KATNAL2: variants seen among roughly 807,000 people sequenced by gnomAD.
The protein encoded by KATNAL2 is katanin p60 ATPase-containing subunit A-like 2.
A neutral mutation model predicts 76.3 loss-of-function variants in KATNAL2; 52 were observed. The ratio of observed to expected loss-of-function variants is 0.68; its 90% CI spans 0.55 to 0.86. The LOEUF (loss-of-function observed/expected upper bound fraction) is 0.86. Among genes scored for constraint, KATNAL2 ranks in the 40% least tolerant of loss-of-function variants. The pLI is 0.00. For missense variants in KATNAL2, 660 were observed against 668.9 expected, an observed-to-expected ratio of 0.99 and a Z score of 0.15; for synonymous variants, 243 against 244.2, an observed-to-expected ratio of 1.00 and a Z score of 0.05.
intron 1 of KATNAL2, among the ~76,000 whole-genome samples, chr18:46,932,234 A>G (rs1444438847): frequency 6.6e-6 from 1 of 152,202 alleles, no homozygotes; most frequent in African/African-American, 2.4e-5. Flanking sequence ...TTTCAAGAAA[A>G]GCATTAGAAG....
intron 15 of KATNAL2, among the ~76,000 whole-genome samples, chr18:47,082,055 C>A (rs2062550110): frequency 6.6e-6 from 1 of 152,078 alleles, no homozygotes; most frequent in South Asian, 2.1e-4. Flanking sequence ...CACTTTATCC[C>A]AATATGTACA....
Position 47,048,130 on chromosome 18 carries a change from C to T in KATNAL2, c.122+1603C>T, listed in dbSNP as rs749994691. Among the ~76,000 whole-genome samples the T allele has an allele frequency of 1.5e-4, 23 of 152,118 alleles. 1 individual carries two copies. Among genetic ancestry groups the T allele is most frequent in the Non-Finnish European group, 2.6e-4 (18 of 68,022 alleles). ...AAGGATACTGCCAAATGCCATCTGACGCACAGGACAGCCCCCATAACAAAT... is the reference window on the plus strand; with the variant it reads ...AAGGATACTGCCAAATGCCATCTGATGCACAGGACAGCCCCCATAACAAAT... On this transcript the variant is annotated intron_variant, in intron 4 of 17. Coordinates refer to ENST00000683218, the MANE Select transcript of KATNAL2 (RefSeq NM_001387690.1).
chr18:47,061,259 T>C (rs1599712115), intron 8 of KATNAL2, among the ~76,000 whole-genome samples: 1 of 152,200 alleles, frequency 6.6e-6, no homozygotes, highest in Non-Finnish European at 1.5e-5. Flanking sequence ...CTCATAGTTC[T>C]ATATGGCACT....
At position 47,101,055 on chromosome 18, in the gene KATNAL2, A is replaced by G; in HGVS notation, c.*50A>G. 6.2e-7 allele frequency: 1 copy of G among 1,600,286 alleles called. No individual in the cohort carries two copies. Among genetic ancestry groups the G allele is most frequent in the Non-Finnish European group, 8.6e-7 (1 of 1,169,514 alleles). On this transcript the variant is annotated 3_prime_UTR_variant, in exon 18 of 18. Transcript: ENST00000683218. ...ACAAAGGCAACCACAAAGACCTCCT[A>G]GTTTATTAATGTCCGTGGGAGAACA...
At chr18:46,924,157 A>G (rs1181730471) in intron 1 of KATNAL2, among the ~76,000 whole-genome samples, 6 of 152,170 alleles carry the variant, frequency 3.9e-5, no homozygotes, top group South Asian at 4.1e-4. Context: ...GCCCATGCCT[A>G]TGTCCTGAAT....
intron 3 of KATNAL2, among the ~76,000 whole-genome samples, chr18:47,043,182 G>C (rs1026528819): frequency 7.2e-6 from 1 of 139,230 alleles, no homozygotes; most frequent in Non-Finnish European, 1.5e-5. Flanking sequence ...AGCAGAGATT[G>C]CGCCACTACA....
At chr18:46,959,391 C>CA (rs2059863606) in intron 3 of KATNAL2, among the ~76,000 whole-genome samples, 1 of 152,034 alleles carries the variant, frequency 6.6e-6, no homozygotes, top group South Asian at 2.1e-4. Context: ...TATACTTGGA[C>CA]CAAAAAGGAG....
At chr18:46,940,364 T>G (rs1269886191) in intron 1 of KATNAL2, among the ~76,000 whole-genome samples, 1 of 152,242 alleles carries the variant, frequency 6.6e-6, no homozygotes, top group Non-Finnish European at 1.5e-5. Flanking sequence ...AGCTCTTTAG[T>G]CTTACATTCC....
intron 15 of KATNAL2, among the ~76,000 whole-genome samples, chr18:47,087,866 A>G (rs575037567): frequency 2.0e-5 from 3 of 150,826 alleles, no homozygotes; most frequent in South Asian, 2.1e-4. Context: ...TTTTTCCTTC[A>G]TTTAATCTAT....
At chr18:47,032,902 T>G (rs35084651) in intron 3 of KATNAL2, 19,009 of 1,599,338 alleles carry the variant, frequency 0.012, 129 homozygotes, top group Middle Eastern at 0.016. Flanking sequence ...TGCACCAAGT[T>G]AAAGGTTCTG....
chr18:47,078,651 G>T (rs576407896), intron 15 of KATNAL2, among the ~76,000 whole-genome samples: 1 of 152,224 alleles, frequency 6.6e-6, no homozygotes, highest in South Asian at 2.1e-4. Flanking sequence ...TAAGTCTTCA[G>T]GCATGAATGT....
chr18:47,067,627 A>T (rs1274945924), intron 11 of KATNAL2, among the ~76,000 whole-genome samples: 1 of 152,208 alleles, frequency 6.6e-6, no homozygotes, highest in Non-Finnish European at 1.5e-5. Flanking sequence ...TATTACTGAC[A>T]AATCTCTGTG....
rs1266559260 is a variant in KATNAL2 at position 47,077,208 on chromosome 18, TCTCTAA to T, written c.1101-137_1101-132del. 4.3e-5 allele frequency: 24 copies of T among 560,400 alleles called. 1 individual carries two copies. The East Asian group carries it at 6.7e-4, about 16-fold the overall frequency. The allele number at this position is 560,400 out of a possible 1,614,324, so 34.7% of individuals were successfully genotyped here. On this transcript the variant is annotated intron_variant, in intron 14 of 17. Coordinates refer to ENST00000683218, the MANE Select transcript of KATNAL2 (RefSeq NM_001387690.1). Reference sequence around the variant, plus strand: ...GAAAATAACAGCAAATTGCTCATTTTCTCTAACTCTAGTATGAACGGCTCCATTGGC... The same window carrying T: ...GAAAATAACAGCAAATTGCTCATTTTCTCTAGTATGAACGGCTCCATTGGC...
chr18:47,063,772 A>G (rs1008379872), intron 10 of KATNAL2, among the ~76,000 whole-genome samples: 3 of 152,192 alleles, frequency 2.0e-5, no homozygotes, highest in Non-Finnish European at 4.4e-5. Context: ...GAAAATCTCC[A>G]TGAAAAACAC....
rs1320555476 is a variant in KATNAL2 at position 46,917,614 on chromosome 18, G to A, written c.-822G>A. 3.1e-6 allele frequency: 3 copies of A among 967,580 alleles called. No individual in the cohort carries two copies. Among genetic ancestry groups the A allele is most frequent in the African/African-American group, 1.8e-5 (1 of 56,772 alleles). 59.9% of individuals were successfully genotyped at this position (967,580 alleles called of 1,614,324 possible). ...CGCCCGCGCCTTCAGTCCGCGCGGC[G>A]ACAGCGCCCGCCCGCGCCTGCCCCG... is the stretch of plus-strand genomic sequence containing the variant. On this transcript the variant is annotated 5_prime_UTR_variant, in exon 1 of 18. Transcript: ENST00000683218.
Position 47,063,020 on chromosome 18 carries a change from G to A in KATNAL2, c.598G>A (p.Ala200Thr), listed in dbSNP as rs1325754870. The A allele has an allele frequency of 6.2e-7, 1 of 1,614,140 alleles. No individual in the cohort carries two copies. The highest frequency in any genetic ancestry group is 1.1e-5 in the South Asian group (1 of 91,080). ...QGLLTDAIKG[A>T]TSELALNTFD... ...GCTGCTCACAGATGCCATCAAGGGA[G>A]CAACCAGTGAACTTGCCTTGAACAC... The change falls in exon 9 of 18, where the codon GCA (alanine) becomes ACA (threonine). Residue 200 changes from alanine to threonine, a missense_variant. Transcript: ENST00000683218.
At chr18:46,928,053 G>C (rs2058784926) in intron 1 of KATNAL2, among the ~76,000 whole-genome samples, 1 of 152,098 alleles carries the variant, frequency 6.6e-6, no homozygotes, top group Non-Finnish European at 1.5e-5. Flanking sequence ...GCTCGGAGTA[G>C]TTTGATCGTC....
chr18:47,034,052 T>C, intron 3 of KATNAL2: 1 of 1,614,180 alleles, frequency 6.2e-7, no homozygotes, highest in African/African-American at 1.3e-5. Context: ...CCAAGTGCAG[T>C]GGTGGCAGAT....
Position 47,053,139 on chromosome 18 carries a change from C to T in KATNAL2, c.289+93C>T, listed in dbSNP as rs1416312192. On this transcript the variant is annotated intron_variant, in intron 5 of 17. Coordinates refer to ENST00000683218, the MANE Select transcript of KATNAL2 (RefSeq NM_001387690.1). Reference sequence around the variant, plus strand: ...ATTCCCAGATAGATGGAGACCCTCACCCTGCACCAAAGGAGTAGGCCAGGA... The same window carrying T: ...ATTCCCAGATAGATGGAGACCCTCATCCTGCACCAAAGGAGTAGGCCAGGA... The T allele has an allele frequency of 2.8e-6, 3 of 1,084,974 alleles. No individual in the cohort carries two copies. The Admixed American group carries it at 7.3e-5, about 26-fold the overall frequency. The allele number at this position is 1,084,974 out of a possible 1,614,324, so 67.2% of individuals were successfully genotyped here. A position where few individuals can be genotyped will look rare whatever the true frequency, so the allele number is the denominator to read the frequency against.
Sources: allele counts gnomAD v4.1 joint callset (sites outside exome capture counted in the v4.1 genomes callset), GRCh38; gene constraint gnomAD v4.1.1; transcripts MANE v1.5; gene names NCBI Gene and HGNC (gene_info 2026-07-23, HGNC 2026-07-21).